The following KIF16B variants were observed in gnomAD, a reference collection of about 807,000 sequenced individuals.
KIF16B encodes the protein kinesin-like protein KIF16B.
A neutral mutation model predicts 156.3 loss-of-function variants in KIF16B; 98 were observed. The ratio of observed to expected loss-of-function variants is 0.63; its 90% CI spans 0.53 to 0.74. KIF16B has a LOEUF of 0.74. Ranked by LOEUF, KIF16B falls within the 30% of genes least tolerant of loss-of-function variation. The pLI, the probability that KIF16B is intolerant of heterozygous loss-of-function variation, is 0.00. For synonymous variants in KIF16B, 564 were observed against 583.7 expected, an observed-to-expected ratio of 0.97 and a Z score of 0.49; for missense variants, 1,421 against 1,606.5, an observed-to-expected ratio of 0.88 and a Z score of 1.97.
chr20:16,539,557 C>T (rs1166536585), intron 1 of KIF16B, among the ~76,000 whole-genome samples: 2 of 152,086 alleles, frequency 1.3e-5, no homozygotes, highest in Non-Finnish European at 1.5e-5. Context: ...ACACCTCCCC[C>T]GACCCTTGCT....
intron 1 of KIF16B, among the ~76,000 whole-genome samples, chr20:16,568,742 C>T (rs1040609281): frequency 6.8e-6 from 1 of 146,178 alleles, no homozygotes; most frequent in African/African-American, 2.6e-5. Context: ...CTGAGCCCAC[C>T]AGGAGGTTGA....
intron 25 of KIF16B, among the ~76,000 whole-genome samples, chr20:16,278,861 G>A (rs973938645): frequency 8.5e-5 from 13 of 152,156 alleles, no homozygotes; most frequent in African/African-American, 2.7e-4. Context: ...GTCTCTCACC[G>A]GGCAAGTCTG....
chr20:16,564,180 T>C (rs1214875567), intron 1 of KIF16B, among the ~76,000 whole-genome samples: 1 of 152,204 alleles, frequency 6.6e-6, no homozygotes, highest in Non-Finnish European at 1.5e-5. Flanking sequence ...TAAAAAAGTT[T>C]CAAAAGATTA....
intron 12 of KIF16B, among the ~76,000 whole-genome samples, chr20:16,465,756 C>T (rs1011716493): frequency 1.3e-5 from 2 of 150,288 alleles, no homozygotes. Flanking sequence ...AGTTCTATCT[C>T]TCCTCTCACT....
chr20:16,276,774 C>T (rs2063067848), intron 25 of KIF16B, among the ~76,000 whole-genome samples: 1 of 152,200 alleles, frequency 6.6e-6, no homozygotes. Flanking sequence ...CAGACAGTGT[C>T]TCATTCTTCT....
At chr20:16,409,302 T>C (rs2065862744) in intron 15 of KIF16B, among the ~76,000 whole-genome samples, 1 of 149,124 alleles carries the variant, frequency 6.7e-6, no homozygotes, top group Admixed American at 6.7e-5. Flanking sequence ...CAAGAATGAG[T>C]GACTGGAAGA....
intron 1 of KIF16B, among the ~76,000 whole-genome samples, chr20:16,543,437 T>G (rs2070280964): frequency 1.3e-5 from 2 of 152,172 alleles, no homozygotes; most frequent in South Asian, 4.2e-4. Context: ...TTTCCCACTT[T>G]TCCTAAAGAA....
chr20:16,290,648 G>A (rs535815353), intron 25 of KIF16B, among the ~76,000 whole-genome samples: 46 of 152,310 alleles, frequency 3.0e-4, no homozygotes, highest in African/African-American at 1.0e-3. Flanking sequence ...TCCAGAAACT[G>A]CCCTGTGTCC....
intron 1 of KIF16B, among the ~76,000 whole-genome samples, chr20:16,533,671 C>T (rs147147988): frequency 1.3e-3 from 199 of 152,302 alleles, no homozygotes; most frequent in Non-Finnish European, 2.1e-3. Context: ...GCAATAACTG[C>T]TGACATAATC....
intron 12 of KIF16B, among the ~76,000 whole-genome samples, chr20:16,456,665 A>G (rs2067220580): frequency 6.6e-6 from 1 of 152,194 alleles, no homozygotes; most frequent in Non-Finnish European, 1.5e-5. Context: ...TTGGACCTTA[A>G]GTAGTCTGAC....
chr20:16,315,047 GT>G (rs1474753704), intron 24 of KIF16B, among the ~76,000 whole-genome samples: 1 of 152,104 alleles, frequency 6.6e-6, no homozygotes, highest in African/African-American at 2.4e-5. Context: ...AGGTGATGTG[GT>G]TTCTGTCAGG....
chr20:16,426,055 C>G (rs1020482788), intron 15 of KIF16B, among the ~76,000 whole-genome samples: 2 of 152,106 alleles, frequency 1.3e-5, no homozygotes, highest in Non-Finnish European at 2.9e-5. Flanking sequence ...ATCACGAGAA[C>G]AGCAAGGGGG....
intron 16 of KIF16B, among the ~76,000 whole-genome samples, chr20:16,405,982 C>T (rs2065773425): frequency 6.6e-6 from 1 of 152,088 alleles, no homozygotes; most frequent in Admixed American, 6.6e-5. Flanking sequence ...CGCTTCCCAC[C>T]TCAATGAAAA....
intron 19 of KIF16B, among the ~76,000 whole-genome samples, chr20:16,376,386 T>C (rs546034805): frequency 4.6e-5 from 7 of 152,282 alleles, no homozygotes; most frequent in African/African-American, 1.7e-4. Context: ...GAGAGCCAAG[T>C]TCAGGACACT....
intron 17 of KIF16B, among the ~76,000 whole-genome samples, chr20:16,383,900 C>T (rs1379925414): frequency 6.6e-6 from 1 of 152,170 alleles, no homozygotes; most frequent in African/African-American, 2.4e-5. Flanking sequence ...CGGATGGAAA[C>T]CTACCATCTG....
At chr20:16,472,044 C>T (rs997606885) in intron 12 of KIF16B, among the ~76,000 whole-genome samples, 1 of 152,178 alleles carries the variant, frequency 6.6e-6, no homozygotes, top group Non-Finnish European at 1.5e-5. Context: ...ACAACCATAG[C>T]TACTGTCGTC....
chr20:16,412,128 G>A (rs2065972921), intron 15 of KIF16B, among the ~76,000 whole-genome samples: 1 of 151,972 alleles, frequency 6.6e-6, no homozygotes, highest in Admixed American at 6.6e-5. Context: ...AAACAGAGAA[G>A]AGACCATGAG....
chr20:16,312,349 G>T lies in KIF16B; in HGVS notation c.3781C>A (p.Arg1261=). 1 of 1,612,722 alleles carries T rather than the reference G, an allele frequency of 6.2e-7. No homozygotes were observed. Among genetic ancestry groups the T allele is most frequent in the Non-Finnish European group, 8.5e-7 (1 of 1,179,088 alleles). Residue 1261 remains arginine, a synonymous_variant, in exon 25 of 26, where the codon CGA becomes AGA. Coordinates refer to ENST00000354981, the MANE Select transcript of KIF16B (RefSeq NM_024704.5). The stretch of plus-strand genomic sequence containing the variant: ...AATTCTGTTACCTCTAAGTGACTTC[G>T]TCTCTCAGCAATCACACGTTCATCC... ...NKDERVIAER[R]SHLEKYLRDF...
intron 1 of KIF16B, among the ~76,000 whole-genome samples, chr20:16,557,531 C>A (rs111542508): frequency 2.2e-3 from 328 of 152,154 alleles, no homozygotes; most frequent in African/African-American, 7.7e-3. Flanking sequence ...CACAGTAACA[C>A]CAGAGGAAGA....
Sources: allele counts gnomAD v4.1 joint callset (sites outside exome capture counted in the v4.1 genomes callset), GRCh38; gene constraint gnomAD v4.1.1; transcripts MANE v1.5; gene names NCBI Gene and HGNC (gene_info 2026-07-23, HGNC 2026-07-21).